Variants in FOXN1 observed in about 807,000 individuals in gnomAD.
The protein encoded by FOXN1 is forkhead box protein N1.
FOXN1 carries 15 observed loss-of-function variants against 49.0 expected under a neutral mutation model. The observed-to-expected ratio is 0.31, with a 90% confidence interval of 0.20 to 0.47. The LOEUF is 0.47. FOXN1 is among the 20% of genes least tolerant of loss of function. The pLI, the probability that FOXN1 is intolerant of heterozygous loss-of-function variation, is 1.00. For missense variants in FOXN1, 800 were observed against 842.8 expected (o/e 0.95, Z 0.63); for synonymous variants, 356 against 369.0 (o/e 0.96, Z 0.40).
intron 8 of FOXN1, among the ~76,000 whole-genome samples, chr17:28,535,903 C>G (rs889429286): frequency 7.2e-5 from 11 of 152,174 alleles, no homozygotes; most frequent in Non-Finnish European, 1.6e-4. Context: ...GAGAGAGACT[C>G]TACCCTAGAG....
rs758745653 is a variant in FOXN1, at chr17:28,524,104, G to T, written c.123+12G>T. ...CTGCCCCACAGAGTGTAAGTACCCG[G>T]CATCTGGGCCTGGGTTTAGGCCAAG... On this transcript the variant is annotated intron_variant, in intron 2 of 8. Coordinates refer to ENST00000579795, the MANE Select transcript of FOXN1 (RefSeq NM_001369369.1). 2 of 1,582,822 alleles carry T rather than the reference G, an allele frequency of 1.3e-6. No individual in the cohort carries two copies. Among genetic ancestry groups the T allele is most frequent in the Non-Finnish European group, 1.7e-6 (2 of 1,165,142 alleles).
Position 28,537,367 on chromosome 17 carries a change from G to C in FOXN1, c.1878G>C (p.Thr626=). 1.2e-6 allele frequency: 2 copies of C among 1,612,490 alleles called. No individual in the cohort carries two copies. Among genetic ancestry groups the C allele is most frequent in the Non-Finnish European group, 1.7e-6 (2 of 1,179,140 alleles). ...LYSAFMELEP[T]PPTAPAGPSV... ...CTGCCTTTATGGAGCTGGAGCCCACGCCCCCCACGGCCCCTGCAGGCCCCT... is the reference window on the plus strand; with the variant it reads ...CTGCCTTTATGGAGCTGGAGCCCACCCCCCCCACGGCCCCTGCAGGCCCCT... The change falls in exon 9 of 9, where the codon ACG becomes ACC. Residue 626 remains threonine, a synonymous_variant. Coordinates refer to ENST00000579795, the MANE Select transcript of FOXN1 (RefSeq NM_001369369.1).
At chr17:28,535,865 T>C (rs1196261561) in intron 8 of FOXN1, among the ~76,000 whole-genome samples, 1 of 152,246 alleles carries the variant, frequency 6.6e-6, no homozygotes, top group African/African-American at 2.4e-5. Flanking sequence ...ATTTGCATTT[T>C]ATCAGAGTTC....
At position 28,537,639 on chromosome 17, in the gene FOXN1, G is replaced by A. The variant is rs1335606840; in HGVS notation, c.*203G>A. 4 of 634,208 alleles carry A rather than the reference G, an allele frequency of 6.3e-6. No homozygotes were observed. In the East Asian group the frequency reaches 1.1e-4, roughly 17 times the overall value. The allele number at this position is 634,208 out of a possible 1,614,324, so 39.3% of individuals were successfully genotyped here. On this transcript the variant is annotated 3_prime_UTR_variant, in exon 9 of 9. Coordinates refer to ENST00000579795, the MANE Select transcript of FOXN1 (RefSeq NM_001369369.1). The stretch of plus-strand genomic sequence containing the variant: ...GCCTCTCACACATTTCTGCCACGTG[G>A]TGGCCCAGCTCCTCACCCAGGGCCC...
At chr17:28,512,668 T>C (rs1280941946) in intron 1 of FOXN1, among the ~76,000 whole-genome samples, 1 of 152,192 alleles carries the variant, frequency 6.6e-6, no homozygotes, top group Non-Finnish European at 1.5e-5. Context: ...GGGGGTTTTA[T>C]GTTTTTGGAA....
chr17:28,532,307 T>C (rs1361342469), intron 6 of FOXN1, among the ~76,000 whole-genome samples: 5 of 152,246 alleles, frequency 3.3e-5, no homozygotes, highest in Non-Finnish European at 5.9e-5. Flanking sequence ...TTTTAGCCAC[T>C]TGCATCACTC....
chr17:28,537,050 G>A, intron 8 of FOXN1, 67 bp from the exon 9 acceptor site: 1 of 1,187,206 alleles, frequency 8.4e-7, no homozygotes, highest in Non-Finnish European at 1.3e-6. Context: ...GATTGACAGG[G>A]AGGAGGGGCC....
Position 28,534,658 on chromosome 17 carries a change from T to TGTG in FOXN1, c.1136-47_1136-45dup. ...GTAAGGGTTCCAGTCTGGGGAAGAC[T>TGTG]GTGGAGGAGGGAGGTCTCATGGTGT... On this transcript the variant is annotated intron_variant, in intron 7 of 8. Transcript: ENST00000579795. The surrounding 1 kb of genome is among the most constrained non-coding windows in gnomAD (Gnocchi z 4.1). 6 of 1,611,920 alleles carry TGTG rather than the reference T, an allele frequency of 3.7e-6. No homozygotes were observed. Among genetic ancestry groups the TGTG allele is most frequent in the Non-Finnish European group, 5.1e-6 (6 of 1,179,490 alleles).
Position 28,537,488 on chromosome 17 carries a change from C to T in FOXN1, c.*52C>T, listed in dbSNP as rs751994037. ...CGTTTGCCTGGTCTGGAAGTCCTGGCCGGCCGCCCACATCGGGCTCACCTT... is the reference window on the plus strand; with the variant it reads ...CGTTTGCCTGGTCTGGAAGTCCTGGTCGGCCGCCCACATCGGGCTCACCTT... On this transcript the variant is annotated 3_prime_UTR_variant, in exon 9 of 9. Coordinates refer to ENST00000579795, the MANE Select transcript of FOXN1 (RefSeq NM_001369369.1). The T allele has an allele frequency of 4.2e-6, 6 of 1,439,766 alleles. No homozygotes were observed. The African/African-American group carries it at 4.2e-5, about 10-fold the overall frequency. The allele number at this position is 1,439,766 out of a possible 1,614,324, so 89.2% of individuals were successfully genotyped here.
At chr17:28,518,208 C>T (rs1300347489) in intron 1 of FOXN1, among the ~76,000 whole-genome samples, 5 of 152,086 alleles carry the variant, frequency 3.3e-5, no homozygotes, top group Admixed American at 2.0e-4. Context: ...ACAGGGTACA[C>T]ACCTCCGCAG....
chr17:28,531,350 T>A (rs2069909517), intron 6 of FOXN1, among the ~76,000 whole-genome samples: 1 of 152,098 alleles, frequency 6.6e-6, no homozygotes, highest in African/African-American at 2.4e-5. Context: ...AAGCGGGGTG[T>A]GGGCTTCCCA....
chr17:28,515,886 C>G (rs920701319), intron 1 of FOXN1, among the ~76,000 whole-genome samples: 1 of 142,380 alleles, frequency 7.0e-6, no homozygotes, highest in Non-Finnish European at 1.5e-5. Flanking sequence ...CACAGGTGAA[C>G]ATATCTCTAC....
rs1294613437 is a variant in FOXN1, at chr17:28,537,644, C to T, written c.*208C>T. The T allele has an allele frequency of 3.2e-6, 2 of 630,026 alleles. No homozygotes were observed. The highest frequency in any genetic ancestry group is 5.8e-6 in the Non-Finnish European group (2 of 347,046). 39.0% of individuals were successfully genotyped at this position (630,026 alleles called of 1,614,324 possible). On this transcript the variant is annotated 3_prime_UTR_variant, in exon 9 of 9. Transcript: ENST00000579795. ...TCACACATTTCTGCCACGTGGTGGCCCAGCTCCTCACCCAGGGCCCCCAAA... is the reference window on the plus strand; with the variant it reads ...TCACACATTTCTGCCACGTGGTGGCTCAGCTCCTCACCCAGGGCCCCCAAA...
chr17:28,507,702 G>A lies in FOXN1; in HGVS notation c.-15+1259G>A, dbSNP rs373846831. On this transcript the variant is annotated intron_variant, in intron 1 of 8. Transcript: ENST00000579795. The stretch of plus-strand genomic sequence containing the variant: ...CGCACTGAGGAACACTAGTTCCTCG[G>A]ATCCGAGGGCGGCGTTGCACTGCAG... Among the ~76,000 whole-genome samples the A allele has an allele frequency of 1.8e-4, 28 of 152,322 alleles. No homozygotes were observed. In the East Asian group the frequency reaches 2.9e-3, roughly 16 times the overall value.
At chr17:28,516,533 GT>G (rs2069506181) in intron 1 of FOXN1, among the ~76,000 whole-genome samples, 1 of 130,746 alleles carries the variant, frequency 7.6e-6, no homozygotes. Context: ...CCTCCACAGG[GT>G]ACACACCTCC....
intron 1 of FOXN1, among the ~76,000 whole-genome samples, chr17:28,515,568 C>T (rs753898681): frequency 6.6e-6 from 1 of 151,574 alleles, no homozygotes; most frequent in Non-Finnish European, 1.5e-5. Flanking sequence ...CTACAGGGTA[C>T]ACACTTCCAC....
chr17:28,519,415 G>C (rs2069595344), intron 1 of FOXN1, among the ~76,000 whole-genome samples: 1 of 152,176 alleles, frequency 6.6e-6, no homozygotes, highest in Non-Finnish European at 1.5e-5. Flanking sequence ...CAGTCTGCCA[G>C]TGAGAGCCTC....
chr17:28,513,703 C>T (rs1171949094), intron 1 of FOXN1, among the ~76,000 whole-genome samples: 1 of 152,244 alleles, frequency 6.6e-6, no homozygotes, highest in South Asian at 2.1e-4. Flanking sequence ...GTATTTATAC[C>T]TCGATGGAGG....
At chr17:28,509,968 G>C (rs1216779886) in intron 1 of FOXN1, among the ~76,000 whole-genome samples, 1 of 152,212 alleles carries the variant, frequency 6.6e-6, no homozygotes, top group African/African-American at 2.4e-5. Flanking sequence ...GGGCCAGGGA[G>C]AGAATTCGCT....
Sources: allele counts gnomAD v4.1 joint callset (sites outside exome capture counted in the v4.1 genomes callset), GRCh38; gene constraint gnomAD v4.1.1; non-coding constraint Gnocchi (gnomAD v3.1); transcripts MANE v1.5; gene names NCBI Gene and HGNC (gene_info 2026-07-23, HGNC 2026-07-21).